The following SP110 variants were observed in gnomAD, a reference collection of about 807,000 sequenced individuals.
SP110 encodes SP110 nuclear body protein.
SP110 carries 62 observed loss-of-function variants against 92.7 expected under a neutral mutation model. The ratio of observed to expected loss-of-function variants is 0.67; its 90% CI spans 0.55 to 0.83. The LOEUF is 0.83. Among genes scored for constraint, SP110 ranks in the 40% least tolerant of loss-of-function variants. The pLI is 0.00. For missense variants in SP110, 793 were observed against 863.9 expected (o/e 0.92, Z 1.03); for synonymous variants, 273 against 305.3 (o/e 0.89, Z 1.10).
chr2:230,192,792 A>G (rs1054189224), intron 10 of SP110, among the ~76,000 whole-genome samples: 10 of 152,200 alleles, frequency 6.6e-5, no homozygotes, highest in African/African-American at 2.2e-4. Flanking sequence ...TGTGGCTATC[A>G]TATGGTCTAT....
chr2:230,195,851 A>G (rs2042846728), intron 10 of SP110, among the ~76,000 whole-genome samples: 1 of 152,178 alleles, frequency 6.6e-6, no homozygotes, highest in Non-Finnish European at 1.5e-5. Context: ...CAAAAACAAA[A>G]TTTAAATATA....
At chr2:230,205,310 C>A (rs1444394117) in intron 8 of SP110, among the ~76,000 whole-genome samples, 5 of 152,064 alleles carry the variant, frequency 3.3e-5, no homozygotes, top group African/African-American at 1.2e-4. Flanking sequence ...CACTTCCTAC[C>A]ACCTTCTTTC....
At chr2:230,208,114 A>G (rs749672134) in intron 7 of SP110, 55 bp from the exon 8 acceptor site, 3 of 993,378 alleles carry the variant, frequency 3.0e-6, no homozygotes, top group South Asian at 1.3e-5. Context: ...CCAATCTTGT[A>G]TGTCAATGAT....
rs2044519383 is a variant in SP110, at chr2:230,211,866, C to A, written c.668-313G>T. On this transcript the variant is annotated intron_variant, in intron 5 of 18. Coordinates refer to ENST00000258381, the MANE Select transcript of SP110 (RefSeq NM_080424.4). This position sits in a 1 kb window ranked among gnomAD's most constrained non-coding sequence, Gnocchi z 4.2. The stretch of plus-strand genomic sequence containing the variant: ...CTGGAGAGCTCAGAATCCATGGTAT[C>A]ATTTTTGACAATGCCCAATATCATA... 6.6e-6 allele frequency among the ~76,000 whole-genome samples: 1 copy of A among 152,164 alleles called. No homozygotes were observed. Among genetic ancestry groups the A allele is most frequent in the Admixed American group, 6.5e-5 (1 of 15,278 alleles).
Position 230,211,189 on chromosome 2 carries a change from C to T in SP110, c.751+281G>A, listed in dbSNP as rs189320768. Among the ~76,000 whole-genome samples the T allele has an allele frequency of 8.9e-4, 136 of 152,312 alleles. 1 individual carries two copies. The highest frequency in any genetic ancestry group is 1.7e-3 in the Non-Finnish European group (113 of 68,036). On this transcript the variant is annotated intron_variant, in intron 6 of 18. Transcript: ENST00000258381. The surrounding 1 kb of genome is among the most constrained non-coding windows in gnomAD (Gnocchi z 4.2). Reference sequence around the variant, plus strand: ...CGCTTTGTGGCATTTGGAGTCCAAACCTACAGGCACTGGTGGGGCTCTGTC... The same window carrying T: ...CGCTTTGTGGCATTTGGAGTCCAAATCTACAGGCACTGGTGGGGCTCTGTC...
chr2:230,203,946 T>C (rs1258629039), intron 8 of SP110, among the ~76,000 whole-genome samples: 1 of 152,192 alleles, frequency 6.6e-6, no homozygotes, highest in Admixed American at 6.5e-5. Context: ...TGTGAATGTA[T>C]TTTAATACCA....
At chr2:230,216,735 T>G in intron 2 of SP110, 46 bp downstream of exon 2, 1 of 1,608,408 alleles carries the variant, frequency 6.2e-7, no homozygotes, top group Non-Finnish European at 8.5e-7. Flanking sequence ...TAATCAGGCA[T>G]ATTGGTGGGG....
chr2:230,182,572 G>A (rs1489678777), intron 12 of SP110, among the ~76,000 whole-genome samples: 1 of 152,128 alleles, frequency 6.6e-6, no homozygotes, highest in African/African-American at 2.4e-5. Context: ...ATGTGAGGAG[G>A]CCCTGAGCAG....
intron 14 of SP110, chr2:230,176,554 A>G: frequency 6.2e-7 from 1 of 1,603,410 alleles, no homozygotes; most frequent in Non-Finnish European, 8.5e-7. Flanking sequence ...TGTTTTGAAG[A>G]TGCCATGCCC....
intron 8 of SP110, among the ~76,000 whole-genome samples, chr2:230,204,432 G>A (rs75153687): frequency 0.017 from 2,532 of 152,200 alleles, 49 homozygotes; most frequent in African/African-American, 0.055. Flanking sequence ...GGGATAATAA[G>A]AATTTGGAGA....
upstream of SP110, among the ~76,000 whole-genome samples, chr2:230,224,593 C>T (rs1245373534): frequency 6.6e-6 from 1 of 151,872 alleles, no homozygotes; most frequent in Non-Finnish European, 1.5e-5. Context: ...TTGTCTCAAC[C>T]AGATTGGTGT....
At chr2:230,216,664 A>G in intron 2 of SP110, 117 bp downstream of exon 2, 1 of 1,221,568 alleles carries the variant, frequency 8.2e-7, no homozygotes, top group East Asian at 2.3e-5. Context: ...GATAATGAAC[A>G]TGCCTGGGCT....
At chr2:230,203,225 G>A (rs1203537168) in intron 8 of SP110, 1 of 182,376 alleles carries the variant, frequency 5.5e-6, no homozygotes, top group Non-Finnish European at 1.2e-5. Flanking sequence ...CCATGAGGGA[G>A]AGATGGAAGG....
chr2:230,174,428 G>A (rs2041757824), intron 14 of SP110, among the ~76,000 whole-genome samples: 1 of 152,188 alleles, frequency 6.6e-6, no homozygotes, highest in Admixed American at 6.5e-5. Flanking sequence ...CTGTCAAATT[G>A]CAATACAGCA....
At chr2:230,171,474 C>A (rs1307328725) in intron 17 of SP110, 1 of 583,298 alleles carries the variant, frequency 1.7e-6, no homozygotes, top group East Asian at 2.9e-5. Context: ...GGAGAAGCAA[C>A]TTGCCCGGTA....
At chr2:230,224,671 C>T (rs935312138), upstream of SP110, among the ~76,000 whole-genome samples, 1 of 152,164 alleles carries the variant, frequency 6.6e-6, no homozygotes, top group Admixed American at 6.5e-5. Context: ...CTGTATTTTG[C>T]AAACTTATGT....
intron 8 of SP110, among the ~76,000 whole-genome samples, chr2:230,204,773 G>C (rs763315175): frequency 6.6e-6 from 1 of 152,098 alleles, no homozygotes; most frequent in Non-Finnish European, 1.5e-5. Context: ...CTAATTTAGG[G>C]GTCAGAGTAT....
chr2:230,215,003 A>G lies in SP110; in HGVS notation c.263T>C (p.Ile88Thr). 1 of 1,614,088 alleles carries G rather than the reference A, an allele frequency of 6.2e-7. No homozygotes were observed. Among genetic ancestry groups the G allele is most frequent in the Non-Finnish European group, 8.5e-7 (1 of 1,179,902 alleles). ...LSLLVTLFSQINLREYPNLVT... is the reference protein window; with the variant it reads ...LSLLVTLFSQTNLREYPNLVT... ...CAGATTGGGATATTCACGCAGGTTAATTTGACTGAACAATGTCACCAGAAG... is the reference window on the plus strand; with the variant it reads ...CAGATTGGGATATTCACGCAGGTTAGTTTGACTGAACAATGTCACCAGAAG... The change falls in exon 3 of 19, where the codon ATT becomes ACT. Residue 88 changes from isoleucine (I) to threonine (T), a missense_variant. Transcript: ENST00000258381.
At chr2:230,196,891 C>T (rs1434605732) in intron 10 of SP110, among the ~76,000 whole-genome samples, 12 of 150,380 alleles carry the variant, frequency 8.0e-5, no homozygotes, top group Admixed American at 1.3e-4. Context: ...TTTATGGCTG[C>T]ATAGTATTCC....
Sources: allele counts gnomAD v4.1 joint callset (sites outside exome capture counted in the v4.1 genomes callset), GRCh38; gene constraint gnomAD v4.1.1; non-coding constraint Gnocchi (gnomAD v3.1); transcripts MANE v1.5; gene names NCBI Gene and HGNC (gene_info 2026-07-23, HGNC 2026-07-21).